Variants in RNF150 observed in about 807,000 individuals in gnomAD.
RNF150 encodes ring finger protein 150.
A neutral mutation model predicts 39.3 loss-of-function variants in RNF150; 24 were observed. That is an observed-to-expected ratio of 0.61 (90% confidence interval 0.44 to 0.86). RNF150 has a LOEUF of 0.86. RNF150 is among the 40% of genes least tolerant of loss of function. The probability of loss-of-function intolerance (pLI) is 0.00; values close to 1 mark genes in which losing one functional copy is unlikely to be tolerated. For synonymous variants in RNF150, 255 were observed against 227.3 expected (o/e 1.12, Z -1.10); for missense variants, 502 against 587.8 (o/e 0.85, Z 1.51).
chr4:141,127,501 C>G (rs112945177), intron 1 of RNF150, among the ~76,000 whole-genome samples: 1 of 152,156 alleles, frequency 6.6e-6, no homozygotes, highest in Non-Finnish European at 1.5e-5. Context: ...CATAGGTAGA[C>G]TTCAGCAATC....
At chr4:141,076,517 T>C (rs1737900615) in intron 1 of RNF150, among the ~76,000 whole-genome samples, 1 of 151,646 alleles carries the variant, frequency 6.6e-6, no homozygotes. Flanking sequence ...AAGGCTCAAG[T>C]ATAATGTCAA....
At chr4:140,945,973 A>G (rs1169272313) in intron 4 of RNF150, among the ~76,000 whole-genome samples, 1 of 152,206 alleles carries the variant, frequency 6.6e-6, no homozygotes, top group Non-Finnish European at 1.5e-5. Context: ...GGCATTCTGT[A>G]GTTCACATAC....
At chr4:140,881,884 A>T (rs1729386744) in intron 6 of RNF150, among the ~76,000 whole-genome samples, 1 of 104,212 alleles carries the variant, frequency 9.6e-6, no homozygotes, top group South Asian at 3.5e-4. Context: ...CCATCTCTTT[A>T]AAAAAAGAGG....
chr4:141,104,217 T>G (rs2111043674), intron 1 of RNF150, among the ~76,000 whole-genome samples: 1 of 152,254 alleles, frequency 6.6e-6, no homozygotes, highest in East Asian at 1.9e-4. Flanking sequence ...AGAATGAAGA[T>G]GACTCCAATG....
chr4:140,867,970 C>CT lies in RNF150; in HGVS notation c.*290dup. ...GAAACTAAGAAATCCTAAAGGTGGC[C>CT]TTTCAGTCTCTGTTTTAGGAGCTTC... On this transcript the variant is annotated 3_prime_UTR_variant, in exon 7 of 7. Coordinates refer to ENST00000515673, the MANE Select transcript of RNF150 (RefSeq NM_020724.2). The CT allele has an allele frequency of 3.3e-6, 1 of 302,162 alleles. No homozygotes were observed. The highest frequency in any genetic ancestry group is 6.0e-6 in the Non-Finnish European group (1 of 165,476). The allele number at this position is 302,162 out of a possible 1,614,324, so 18.7% of individuals were successfully genotyped here. A position where few individuals can be genotyped will look rare whatever the true frequency, so the allele number is the denominator to read the frequency against.
At chr4:141,085,117 C>T (rs1738310964) in intron 1 of RNF150, among the ~76,000 whole-genome samples, 1 of 152,116 alleles carries the variant, frequency 6.6e-6, no homozygotes, top group South Asian at 2.1e-4. Context: ...TTTCACATGG[C>T]TGGAAAGGCC....
At chr4:140,908,955 A>G (rs1211253774) in intron 6 of RNF150, among the ~76,000 whole-genome samples, 3 of 152,090 alleles carry the variant, frequency 2.0e-5, no homozygotes, top group East Asian at 3.9e-4. Flanking sequence ...ACAAATGTTT[A>G]TTTGTTTTTG....
intron 1 of RNF150, among the ~76,000 whole-genome samples, chr4:141,096,186 C>CTTTTTTTTT (rs1738768859): frequency 1.4e-5 from 1 of 70,856 alleles, no homozygotes; most frequent in African/African-American, 6.5e-5. Flanking sequence ...GAGTTTTTAG[C>CTTTTTTTTT]TTTCTTTTTT....
intron 6 of RNF150, among the ~76,000 whole-genome samples, chr4:140,871,008 A>T (rs578135390): frequency 6.7e-6 from 1 of 150,212 alleles, no homozygotes; most frequent in Non-Finnish European, 1.5e-5. Flanking sequence ...CTCTCTATAT[A>T]TATATATATG....
At chr4:141,188,605 G>A (rs933884273) in intron 1 of RNF150, among the ~76,000 whole-genome samples, 15 of 151,632 alleles carry the variant, frequency 9.9e-5, no homozygotes, top group African/African-American at 3.1e-4. Flanking sequence ...GTTGATCTTC[G>A]ATCTCTGATA....
intron 1 of RNF150, among the ~76,000 whole-genome samples, chr4:141,084,947 A>C (rs1738302970): frequency 6.6e-6 from 1 of 152,228 alleles, no homozygotes; most frequent in Admixed American, 6.5e-5. Context: ...ATAATATGGC[A>C]AAGTGATGTT....
intron 1 of RNF150, among the ~76,000 whole-genome samples, chr4:140,971,440 T>G (rs1251411775): frequency 2.0e-5 from 3 of 152,138 alleles, no homozygotes; most frequent in African/African-American, 7.2e-5. Context: ...GTCCGGCTAT[T>G]TGGGCAATTC....
At chr4:140,954,516 C>T (rs1020251224) in intron 2 of RNF150, among the ~76,000 whole-genome samples, 2 of 152,086 alleles carry the variant, frequency 1.3e-5, no homozygotes, top group African/African-American at 4.8e-5. Context: ...CAAAATCATG[C>T]TTCTTACTAA....
chr4:140,952,949 T>A (rs1387781693), intron 2 of RNF150, among the ~76,000 whole-genome samples: 10 of 152,210 alleles, frequency 6.6e-5, no homozygotes, highest in Non-Finnish European at 1.5e-4. Flanking sequence ...CTGCCAACTA[T>A]ACACATAGGC....
intron 1 of RNF150, among the ~76,000 whole-genome samples, chr4:141,087,217 A>G (rs1738401184): frequency 6.6e-6 from 1 of 152,132 alleles, no homozygotes; most frequent in Non-Finnish European, 1.5e-5. Context: ...GCTCGCACTT[A>G]TAAGTTAGAA....
In RNF150 at chr4:140,949,516, G is replaced by A. The variant is rs140343129; in HGVS notation, c.736-144C>T. 7.2e-4 allele frequency: 488 copies of A among 676,982 alleles called. 4 individuals are homozygous for A. In the Middle Eastern group the frequency reaches 0.013, roughly 18 times the overall value. The allele number at this position is 676,982 out of a possible 1,614,324, so 41.9% of individuals were successfully genotyped here. The stretch of plus-strand genomic sequence containing the variant: ...CTAGCAATGACGACTAGAAAAGACA[G>A]GGCAGTGGCATTTGTGCAAGGGGGC... On this transcript the variant is annotated intron_variant, in intron 2 of 6. Transcript: ENST00000515673.
chr4:141,141,981 C>G (rs1465485578), intron 1 of RNF150, among the ~76,000 whole-genome samples: 1 of 152,162 alleles, frequency 6.6e-6, no homozygotes, highest in African/African-American at 2.4e-5. Context: ...GATGGCACCA[C>G]TGAGCTGATC....
chr4:141,119,613 A>T (rs971938900), intron 1 of RNF150, among the ~76,000 whole-genome samples: 1 of 152,214 alleles, frequency 6.6e-6, no homozygotes, highest in Admixed American at 6.5e-5. Flanking sequence ...TTTGCTTGTA[A>T]ATACTCACAG....
intron 1 of RNF150, among the ~76,000 whole-genome samples, chr4:141,041,262 C>T (rs1444984540): frequency 6.6e-6 from 1 of 152,050 alleles, no homozygotes; most frequent in Non-Finnish European, 1.5e-5. Flanking sequence ...CTATGCATGT[C>T]TTATCTAAAC....
Sources: gnomAD v4.1 joint callset for allele counts (sites outside exome capture counted in the v4.1 genomes callset) on GRCh38, gnomAD v4.1.1 for gene constraint, MANE v1.5 for transcripts, NCBI Gene and HGNC (gene_info 2026-07-23, HGNC 2026-07-21) for gene names.